Variants in MAP4K1 observed in about 807,000 individuals in gnomAD.
MAP4K1 encodes the protein mitogen-activated protein kinase kinase kinase kinase 1.
A neutral mutation model predicts 122.8 loss-of-function variants in MAP4K1; 35 were observed. The observed-to-expected ratio is 0.29, with a 90% CI of 0.22 to 0.38. MAP4K1 has a LOEUF of 0.38. MAP4K1 is among the 10% of genes least tolerant of loss of function. The pLI is 1.00. For synonymous variants in MAP4K1, 412 were observed against 421.3 expected (o/e 0.98, Z 0.27); for missense variants, 791 against 1,072.6 (o/e 0.74, Z 3.67).
At position 38,590,390 on chromosome 19, in the gene MAP4K1, AAAAAATATATATATATATATATATAT is replaced by A. The variant is rs1489082582; in HGVS notation, c.2397-2599_2397-2574del. On this transcript the variant is annotated intron_variant, in intron 30 of 30. Coordinates refer to ENST00000396857, the MANE Select transcript of MAP4K1 (RefSeq NM_001042600.3). Reference sequence around the variant, plus strand: ...TTGGACCAGAAAAAAAAAAAAAAAAAAAAAATATATATATATATATATATATATATATATATATATATATATAATCA... The same window carrying A: ...TTGGACCAGAAAAAAAAAAAAAAAAAATATATATATATATATATATAATCA... Among the ~76,000 whole-genome samples the A allele has an allele frequency of 7.6e-4, 20 of 26,398 alleles. 1 individual carries two copies. Among genetic ancestry groups the A allele is most frequent in the South Asian group, 1.8e-3 (1 of 566 alleles). 17.3% of individuals were successfully genotyped at this position (26,398 alleles called of 152,430 possible). A position where few individuals can be genotyped will look rare whatever the true frequency, so the allele number is the denominator to read the frequency against.
chr19:38,615,478 C>CA (rs1179479652), intron 4 of MAP4K1, among the ~76,000 whole-genome samples: 1 of 151,782 alleles, frequency 6.6e-6, no homozygotes, highest in Non-Finnish European at 1.5e-5. Flanking sequence ...AGACAGAAGA[C>CA]AAAGACAGAG....
chr19:38,596,921 G>A (rs1201269982), intron 25 of MAP4K1, 113 bp downstream of exon 25: 1 of 1,000,414 alleles, frequency 1.0e-6, no homozygotes, highest in Non-Finnish European at 1.5e-6. Flanking sequence ...GGGAGATTGG[G>A]GCGGGGCCTC....
rs759086971 is a variant in MAP4K1 at position 38,617,647 on chromosome 19, G to C, written c.100-22C>G. 3.1e-6 allele frequency: 5 copies of C among 1,613,940 alleles called. No homozygotes were observed. The South Asian group carries it at 5.5e-5, about 18-fold the overall frequency. ...GAGCCTTGCAAAGGGGAAGTTGGCA[G>C]TCAGGCAGGCTCCATTTGCCAGAGT... On this transcript the variant is annotated intron_variant, in intron 1 of 30. Transcript: ENST00000396857. The surrounding 1 kb of genome is among the most constrained non-coding windows in gnomAD (Gnocchi z 4.1).
chr19:38,601,763 C>A, intron 19 of MAP4K1: 1 of 495,444 alleles, frequency 2.0e-6, no homozygotes, highest in Non-Finnish European at 3.5e-6. Context: ...GTTTTTCCTC[C>A]ACTATCCTAA....
chr19:38,595,453 C>CA, intron 29 of MAP4K1, 32 bp downstream of exon 29: 1 of 1,609,774 alleles, frequency 6.2e-7, no homozygotes, highest in Middle Eastern at 1.7e-4. Context: ...GGCTGGGGGG[C>CA]AGTGATGTGG....
chr19:38,595,118 G>A (rs950198341), intron 29 of MAP4K1, among the ~76,000 whole-genome samples: 2 of 151,526 alleles, frequency 1.3e-5, no homozygotes, highest in African/African-American at 2.4e-5. Flanking sequence ...GTGAAACCCC[G>A]TCTCTACTGA....
chr19:38,595,709 G>C lies in MAP4K1; in HGVS notation c.2200C>G (p.Pro734Ala), dbSNP rs763164631. 1.2e-6 allele frequency: 2 copies of C among 1,606,194 alleles called. No individual in the cohort carries two copies. Among genetic ancestry groups the C allele is most frequent in the South Asian group, 2.2e-5 (2 of 90,224 alleles). The change falls in exon 28 of 31, where the codon CCG (proline) becomes GCG (alanine). Residue 734 changes from proline (P) to alanine (A), a missense_variant. Physicochemically the swap from Pro to Ala is conservative, Grantham distance 27 (BLOSUM62 -1). Transcript: ENST00000396857. ...AGTCCCCGGACTGGGGACCCCTCCG[G>C]GGTCACCAGCTTCACAGAGCCTGGA... ...LMDGSVKLVT[P>A]EGSPVRGLRT...
Sources: gnomAD v4.1 joint callset for allele counts (sites outside exome capture counted in the v4.1 genomes callset) on GRCh38, gnomAD v4.1.1 for gene constraint, Gnocchi (gnomAD v3.1) non-coding constraint, MANE v1.5 for transcripts, NCBI Gene and HGNC (gene_info 2026-07-23, HGNC 2026-07-21) for gene names.